Variants in SH2D5 observed in about 807,000 individuals in gnomAD.
SH2D5 encodes the protein SH2 domain-containing protein 5.
A neutral mutation model predicts 48.2 loss-of-function variants in SH2D5; 45 were observed. The ratio of observed to expected loss-of-function variants is 0.93; its 90% CI spans 0.73 to 1.20. SH2D5 has a LOEUF of 1.20. SH2D5 is among the 50% of genes most tolerant of loss of function. The probability of loss-of-function intolerance (pLI) is 0.00; values close to 1 mark genes in which losing one functional copy is unlikely to be tolerated. For missense variants in SH2D5, 538 were observed against 584.1 expected, an observed-to-expected ratio of 0.92 and a Z score of 0.81; for synonymous variants, 230 against 249.8, an observed-to-expected ratio of 0.92 and a Z score of 0.75.
rs750207854 is a variant in SH2D5 at position 20,724,572 on chromosome 1, C to T, written c.454G>A (p.Glu152Lys). 5.0e-6 allele frequency: 8 copies of T among 1,596,316 alleles called. No homozygotes were observed. Among genetic ancestry groups the T allele is most frequent in the East Asian group, 4.5e-5 (2 of 43,962 alleles). ...CAGGGCTCTGGCTGTGCCCGCTCCT[C>T]AGGGTGCTGCAAGAGGTAAGCCAGC... ...FQLAYLLQHP[E>K]ERAQPEPCPG... The change falls in exon 6 of 10, where the codon GAG (glutamate) becomes AAG (lysine). Residue 152 changes from glutamate (E) to lysine (K), a missense_variant. Coordinates refer to ENST00000444387, the MANE Select transcript of SH2D5 (RefSeq NM_001103161.2).
In SH2D5 at chr1:20,729,571, G is replaced by T. The variant is rs890768313; in HGVS notation, c.-42-1485C>A. ...GGAGGGAGCTTGGGAGGACAGCGGG[G>T]TCTGACCACTTCTGCTCCCCTCCTT... On this transcript the variant is annotated intron_variant, in intron 1 of 9. Transcript: ENST00000444387. This position sits in a 1 kb window ranked among gnomAD's most constrained non-coding sequence, Gnocchi z 4.2. Among the ~76,000 whole-genome samples, 4 of 152,198 alleles carry T rather than the reference G, an allele frequency of 2.6e-5. No individual in the cohort carries two copies. The highest frequency in any genetic ancestry group is 4.4e-5 in the Non-Finnish European group (3 of 68,042).
intron 3 of SH2D5, 96 bp downstream of exon 3, chr1:20,727,427 C>A (rs1420350153): frequency 8.2e-7 from 1 of 1,220,480 alleles, no homozygotes; most frequent in Admixed American, 2.0e-5. Context: ...TGTCCTGCCC[C>A]TCTCTAACTG....
At chr1:20,725,505 C>T (rs949710130) in intron 5 of SH2D5, among the ~76,000 whole-genome samples, 2 of 152,174 alleles carry the variant, frequency 1.3e-5, no homozygotes, top group South Asian at 2.1e-4. Context: ...TTAGGGCAGA[C>T]GATGGTAGCG....
intron 8 of SH2D5, 101 bp from the exon 9 acceptor site, chr1:20,723,016 T>C: frequency 8.3e-7 from 1 of 1,197,788 alleles, no homozygotes; most frequent in Non-Finnish European, 1.1e-6. Context: ...TTAAATGCCC[T>C]TAAACACACG....
chr1:20,728,003 G>C lies in SH2D5; in HGVS notation c.42C>G (p.Cys14Trp), dbSNP rs759062962. 1.9e-6 allele frequency: 3 copies of C among 1,567,650 alleles called. No individual in the cohort carries two copies. In the Middle Eastern group the frequency reaches 5.0e-4, roughly 261 times the overall value. ...ACCTGGGCCGGTGAGGGGCCAGCCCGCAGTCAGAGGCCCTGCGGCCCCCAG... is the reference window on the plus strand; with the variant it reads ...ACCTGGGCCGGTGAGGGGCCAGCCCCCAGTCAGAGGCCCTGCGGCCCCCAG... The part of the protein sequence containing the change: ...AGAGGRRASD[C>W]GLAPHRPRCI... Residue 14 changes from cysteine (C) to tryptophan (W), a missense_variant, in exon 2 of 10, where the codon TGC (cysteine) becomes TGG (tryptophan). Physicochemically the swap from Cys to Trp is radical, Grantham distance 215. Transcript: ENST00000444387. The surrounding 1 kb of genome is among the most constrained non-coding windows in gnomAD (Gnocchi z 4.3).
chr1:20,726,991 G>T lies in SH2D5; in HGVS notation c.243+10C>A, dbSNP rs200257176. 19 of 1,607,412 alleles carry T rather than the reference G, an allele frequency of 1.2e-5. No individual in the cohort carries two copies. Among genetic ancestry groups the T allele is most frequent in the Non-Finnish European group, 1.6e-5 (19 of 1,176,718 alleles). On this transcript the variant is annotated intron_variant, in intron 4 of 9. Coordinates refer to ENST00000444387, the MANE Select transcript of SH2D5 (RefSeq NM_001103161.2). ...CTCCAGTCCTCACCTGCACCCACAG[G>T]GGTTCCTACCTCACCCTCCCCGCTG...
At chr1:20,726,862 T>C (rs958982861) in intron 4 of SH2D5, 139 bp downstream of exon 4, 19 of 629,660 alleles carry the variant, frequency 3.0e-5, no homozygotes, top group African/African-American at 1.9e-4. Flanking sequence ...CCAGAGCAGG[T>C]AGGCTGGCGC....
At chr1:20,731,865 G>T (rs1343445369) in intron 1 of SH2D5, among the ~76,000 whole-genome samples, 1 of 152,078 alleles carries the variant, frequency 6.6e-6, no homozygotes, top group Non-Finnish European at 1.5e-5. Context: ...CCGCTGCAGG[G>T]GACGGAGGAG....
rs537316642 is a variant in SH2D5, at chr1:20,721,551, C to T, written c.*241G>A. 43 of 470,418 alleles carry T rather than the reference C, an allele frequency of 9.1e-5. No individual in the cohort carries two copies. Among genetic ancestry groups the T allele is most frequent in the African/African-American group, 5.9e-4 (30 of 50,898 alleles). The allele number at this position is 470,418 out of a possible 1,614,324, so 29.1% of individuals were successfully genotyped here. A position where few individuals can be genotyped will look rare whatever the true frequency, so the allele number is the denominator to read the frequency against. On this transcript the variant is annotated 3_prime_UTR_variant, in exon 10 of 10. Transcript: ENST00000444387. ...ATCCGAAGCCACCCAAAGGGTTATC[C>T]GAAGCCTGCAACTCCACCTGCCCTC...
rs1469435534 is a variant in SH2D5 at position 20,719,872 on chromosome 1, C to T, written c.*1920G>A. 1 of 152,220 alleles carries T rather than the reference C, an allele frequency of 6.6e-6. No homozygotes were observed. The highest frequency in any genetic ancestry group is 2.4e-5 in the African/African-American group (1 of 41,448). 9.4% of individuals were successfully genotyped at this position (152,220 alleles called of 1,614,324 possible). On this transcript the variant is annotated 3_prime_UTR_variant, in exon 10 of 10. Coordinates refer to ENST00000444387, the MANE Select transcript of SH2D5 (RefSeq NM_001103161.2). ...GCAAACAGGGGCCAAAAACCTTGCCCTCTCTGTAACACGAGATCAATCTAT... is the reference window on the plus strand; with the variant it reads ...GCAAACAGGGGCCAAAAACCTTGCCTTCTCTGTAACACGAGATCAATCTAT...
intron 8 of SH2D5, 35 bp downstream of exon 8, chr1:20,723,591 G>T: frequency 6.5e-7 from 1 of 1,546,396 alleles, no homozygotes; most frequent in Non-Finnish European, 8.9e-7. Flanking sequence ...CCACCCCAAG[G>T]GACTGGGCGT....
intron 7 of SH2D5, 77 bp from the exon 8 acceptor site, chr1:20,723,811 A>G: frequency 8.0e-7 from 1 of 1,251,924 alleles, no homozygotes; most frequent in Non-Finnish European, 1.1e-6. Context: ...CTCATCACCC[A>G]GGGTGGTGTC....
At position 20,729,318 on chromosome 1, in the gene SH2D5, G is replaced by T. The variant is rs771772361; in HGVS notation, c.-42-1232C>A. ...AAAGCCACCTCTGTGTCCTACCCTGGCTGGCTTCACTCACCAGCCTGCTTG... is the reference window on the plus strand; with the variant it reads ...AAAGCCACCTCTGTGTCCTACCCTGTCTGGCTTCACTCACCAGCCTGCTTG... On this transcript the variant is annotated intron_variant, in intron 1 of 9. Coordinates refer to ENST00000444387, the MANE Select transcript of SH2D5 (RefSeq NM_001103161.2). This position sits in a 1 kb window ranked among gnomAD's most constrained non-coding sequence, Gnocchi z 4.2. Among the ~76,000 whole-genome samples the T allele has an allele frequency of 6.6e-6, 1 of 152,190 alleles. No individual in the cohort carries two copies. Among genetic ancestry groups the T allele is most frequent in the Non-Finnish European group, 1.5e-5 (1 of 68,026 alleles).
intron 2 of SH2D5, 45 bp from the exon 3 acceptor site, chr1:20,727,648 C>T (rs1461553521): frequency 1.0e-5 from 16 of 1,530,060 alleles, no homozygotes; most frequent in Admixed American, 3.8e-5. Context: ...GAGTCAGGCC[C>T]GTGGCTCCTA....
At chr1:20,724,674 G>T (rs1403446623) in intron 5 of SH2D5, 39 bp from the exon 6 acceptor site, 1 of 1,494,682 alleles carries the variant, frequency 6.7e-7, no homozygotes. Flanking sequence ...GCTGGAGGAG[G>T]TCTCCATCTC....
intron 5 of SH2D5, among the ~76,000 whole-genome samples, chr1:20,724,928 C>T (rs1042971728): frequency 2.0e-5 from 3 of 152,210 alleles, no homozygotes; most frequent in African/African-American, 7.2e-5. Flanking sequence ...CCCAGGCTTA[C>T]CAGCCCCACC....
chr1:20,728,100 G>C lies in SH2D5; in HGVS notation c.-42-14C>G, dbSNP rs534837198. On this transcript the variant is annotated splice_polypyrimidine_tract_variant and intron_variant, in intron 1 of 9. Coordinates refer to ENST00000444387, the MANE Select transcript of SH2D5 (RefSeq NM_001103161.2). This position sits in a 1 kb window ranked among gnomAD's most constrained non-coding sequence, Gnocchi z 4.3. ...CGGGAGGGGAGGCTGCAAAGGGCAG[G>C]GGGGGAAGGGCTGCTTTCGAGGCAG... 66 of 1,297,130 alleles carry C rather than the reference G, an allele frequency of 5.1e-5. No individual in the cohort carries two copies. The highest frequency in any genetic ancestry group is 2.2e-4 in the Middle Eastern group (1 of 4,474). 80.4% of individuals were successfully genotyped at this position (1,297,130 alleles called of 1,614,324 possible). A position where few individuals can be genotyped will look rare whatever the true frequency, so the allele number is the denominator to read the frequency against.
At position 20,719,918 on chromosome 1, in the gene SH2D5, A is replaced by G. The variant is rs934707953; in HGVS notation, c.*1874T>C. 1 of 152,238 alleles carries G rather than the reference A, an allele frequency of 6.6e-6. No individual in the cohort carries two copies. Among genetic ancestry groups the G allele is most frequent in the African/African-American group, 2.4e-5 (1 of 41,454 alleles). 9.4% of individuals were successfully genotyped at this position (152,238 alleles called of 1,614,324 possible). A position where few individuals can be genotyped will look rare whatever the true frequency, so the allele number is the denominator to read the frequency against. ...TCTATGCTGGCTGGAGGGATGTTAA[A>G]GTGCTTGGTGGAGACTGGTCCCTTC... On this transcript the variant is annotated 3_prime_UTR_variant, in exon 10 of 10. Coordinates refer to ENST00000444387, the MANE Select transcript of SH2D5 (RefSeq NM_001103161.2).
chr1:20,723,835 T>C (rs1405119821), intron 7 of SH2D5, 101 bp from the exon 8 acceptor site: 1 of 1,066,612 alleles, frequency 9.4e-7, no homozygotes, highest in East Asian at 2.6e-5. Flanking sequence ...CCCAAGCCTC[T>C]CTACCCTGCT....
Sources: gnomAD v4.1 joint callset for allele counts (sites outside exome capture counted in the v4.1 genomes callset) on GRCh38, gnomAD v4.1.1 for gene constraint, Gnocchi (gnomAD v3.1) non-coding constraint, MANE v1.5 for transcripts, NCBI Gene and HGNC (gene_info 2026-07-23, HGNC 2026-07-21) for gene names.